HIPK2: variants seen among roughly 807,000 people sequenced by gnomAD.
The protein encoded by HIPK2 is homeodomain interacting protein kinase 2.
Under a neutral mutation model 113.7 loss-of-function variants are expected in HIPK2, and 27 were observed. The ratio of observed to expected loss-of-function variants is 0.24; its 90% CI spans 0.17 to 0.33. The LOEUF (loss-of-function observed/expected upper bound fraction) is 0.33, where lower values mean the gene tolerates loss of function less well. Among genes scored for constraint, HIPK2 ranks in the 10% least tolerant of loss-of-function variants. The probability of loss-of-function intolerance (pLI) is 1.00; values close to 1 mark genes in which losing one functional copy is unlikely to be tolerated. For synonymous variants in HIPK2, 631 were observed against 642.2 expected (o/e 0.98, Z 0.26); for missense variants, 1,257 against 1,588.0 (o/e 0.79, Z 3.54).
rs71170905 is a variant in HIPK2 at position 139,624,480 on chromosome 7, CTT to C, written c.1619+2119_1619+2120del. Among the ~76,000 whole-genome samples, 1,430 of 152,310 alleles carry C rather than the reference CTT, an allele frequency of 9.4e-3. 8 individuals carry two copies. The highest frequency in any genetic ancestry group is 0.015 in the Non-Finnish European group (1,049 of 68,018). ...CGCTTACTTCTCATGTCCAGTGACT[CTT>C]GTTCTCAACCCAGTACAGCCACTCA... On this transcript the variant is annotated intron_variant, in intron 6 of 14. Coordinates refer to ENST00000406875, the MANE Select transcript of HIPK2 (RefSeq NM_022740.5).
intron 2 of HIPK2, among the ~76,000 whole-genome samples, chr7:139,699,463 T>C (rs1488742212): frequency 2.0e-5 from 3 of 152,142 alleles, no homozygotes; most frequent in Non-Finnish European, 4.4e-5. Context: ...AGGACCATGC[T>C]TAGGCCACAT....
chr7:139,750,309 C>A (rs557092882), intron 1 of HIPK2, among the ~76,000 whole-genome samples: 1 of 152,300 alleles, frequency 6.6e-6, no homozygotes, highest in African/African-American at 2.4e-5. Context: ...TAAATAGAGG[C>A]CTTAATTTCC....
At chr7:139,575,313 A>AG (rs1341784974) in intron 13 of HIPK2, 25 bp from the exon 14 acceptor site, 4 of 1,545,152 alleles carry the variant, frequency 2.6e-6, no homozygotes, top group Non-Finnish European at 3.5e-6. Context: ...GAAAGAGGTC[A>AG]GATCAGTGGC....
At chr7:139,725,353 A>C (rs1795542865) in intron 1 of HIPK2, among the ~76,000 whole-genome samples, 1 of 152,252 alleles carries the variant, frequency 6.6e-6, no homozygotes, top group Non-Finnish European at 1.5e-5. Flanking sequence ...CAAATCCTGC[A>C]AACAGAGTGT....
At position 139,638,656 on chromosome 7, in the gene HIPK2, C is replaced by CTTTTTTTTTTTTTTTTTTTTTTTTTTT. The variant is rs1184555180; in HGVS notation, c.1104-6932_1104-6931insAAAAAAAAAAAAAAAAAAAAAAAAAAA. 3.8e-5 allele frequency among the ~76,000 whole-genome samples: 5 copies of CTTTTTTTTTTTTTTTTTTTTTTTTTTT among 130,248 alleles called. 1 individual carries two copies. Among genetic ancestry groups the CTTTTTTTTTTTTTTTTTTTTTTTTTTT allele is most frequent in the African/African-American group, 9.1e-5 (3 of 32,922 alleles). 85.4% of individuals were successfully genotyped at this position (130,248 alleles called of 152,430 possible). On this transcript the variant is annotated intron_variant, in intron 2 of 14. Coordinates refer to ENST00000406875, the MANE Select transcript of HIPK2 (RefSeq NM_022740.5). ...CTGGAGAAAGAGAGTAAATAATTGT[C>CTTTTTTTTTTTTTTTTTTTTTTTTTTT]TTTTTTTTTTTTTTTTTTTGAGACA...
intron 1 of HIPK2, among the ~76,000 whole-genome samples, chr7:139,746,872 C>T (rs7790519): frequency 0.34 from 50,849 of 151,778 alleles, 11,251 homozygotes; most frequent in African/African-American, 0.62. Flanking sequence ...CCTGACATAG[C>T]GTGTCTCTGC....
Position 139,716,588 on chromosome 7 carries a change from C to T in HIPK2, c.447G>A (p.Glu149=), listed in dbSNP as rs754669097. ...CATTATTCTGAATCATGGGTGGATG[C>T]TCCTCGATGATCTGCACGCTGCTTG... ...ENTSSVQIIE[E]HPPMIQNNAS... is the part of the protein sequence containing the mutation. Residue 149 remains glutamate (E), a synonymous_variant, in exon 2 of 15, where the codon GAG becomes GAA. Transcript: ENST00000406875. The surrounding 1 kb of genome is among the most constrained non-coding windows in gnomAD (Gnocchi z 9.3). The T allele has an allele frequency of 5.2e-5, 84 of 1,613,866 alleles. No individual in the cohort carries two copies. In the South Asian group the frequency reaches 7.8e-4, roughly 15 times the overall value.
intron 11 of HIPK2, among the ~76,000 whole-genome samples, chr7:139,599,134 G>A (rs1176805069): frequency 6.6e-6 from 1 of 152,140 alleles, no homozygotes; most frequent in African/African-American, 2.4e-5. Flanking sequence ...TTGACTTATC[G>A]CAAATAAGCA....
intron 2 of HIPK2, among the ~76,000 whole-genome samples, chr7:139,673,807 G>T (rs948541659): frequency 2.7e-5 from 4 of 149,334 alleles, no homozygotes; most frequent in Non-Finnish European, 4.4e-5. Context: ...CAGCACTTTG[G>T]GAGGGTGAGC....
intron 1 of HIPK2, among the ~76,000 whole-genome samples, chr7:139,774,570 T>C (rs576392296): frequency 2.0e-5 from 3 of 152,212 alleles, no homozygotes; most frequent in South Asian, 4.1e-4. Context: ...GCTTGGTAGA[T>C]AGGCATCTTC....
At chr7:139,647,688 A>G (rs1353929301) in intron 2 of HIPK2, among the ~76,000 whole-genome samples, 1 of 152,232 alleles carries the variant, frequency 6.6e-6, no homozygotes, top group African/African-American at 2.4e-5. Flanking sequence ...CCTGAAGAAG[A>G]AGAGAGAATA....
intron 13 of HIPK2, among the ~76,000 whole-genome samples, chr7:139,582,827 G>A (rs1798711660): frequency 2.0e-5 from 3 of 152,030 alleles, no homozygotes. Flanking sequence ...TGAGGCACTG[G>A]GCTGGAAAAG....
chr7:139,690,027 G>A (rs541774559), intron 2 of HIPK2, among the ~76,000 whole-genome samples: 75 of 112,268 alleles, frequency 6.7e-4, no homozygotes, highest in Admixed American at 1.7e-3. Context: ...TCAAGGTGGG[G>A]CCCAATCTAT....
intron 2 of HIPK2, among the ~76,000 whole-genome samples, chr7:139,685,253 C>T (rs1050742567): frequency 3.3e-5 from 5 of 152,204 alleles, no homozygotes; most frequent in African/African-American, 1.2e-4. Flanking sequence ...TCACAACAGC[C>T]TCAACCTCCT....
chr7:139,777,958 G>A lies in HIPK2; in HGVS notation c.-335C>T, dbSNP rs1048526481. Among the ~76,000 whole-genome samples the A allele has an allele frequency of 6.9e-6, 1 of 145,846 alleles. No homozygotes were observed. The highest frequency in any genetic ancestry group is 1.5e-5 in the Non-Finnish European group (1 of 65,494). On this transcript the variant is annotated 5_prime_UTR_variant, in exon 1 of 15. Transcript: ENST00000406875. ...GGATCCGCGGAGGGGCGGGAGCCGG[G>A]GGCAGCGCGCGGCCAGGGCCGGCGG... is the stretch of plus-strand genomic sequence containing the variant.
At chr7:139,729,004 G>A (rs1795678801) in intron 1 of HIPK2, among the ~76,000 whole-genome samples, 1 of 152,106 alleles carries the variant, frequency 6.6e-6, no homozygotes, top group African/African-American at 2.4e-5. Flanking sequence ...AATCTACTGA[G>A]GAGCAACTGT....
chr7:139,650,822 C>T (rs1430863777), intron 2 of HIPK2, among the ~76,000 whole-genome samples: 1 of 152,254 alleles, frequency 6.6e-6, no homozygotes, highest in Non-Finnish European at 1.5e-5. Context: ...CCAGCTCTGG[C>T]TTGCCAGCCA....
At chr7:139,695,284 A>G (rs1178882942) in intron 2 of HIPK2, among the ~76,000 whole-genome samples, 1 of 152,228 alleles carries the variant, frequency 6.6e-6, no homozygotes, top group Non-Finnish European at 1.5e-5. Context: ...CCTCGTCATC[A>G]AAGTGACCAT....
intron 1 of HIPK2, among the ~76,000 whole-genome samples, chr7:139,757,814 GAAC>G (rs1472748751): frequency 6.6e-6 from 1 of 152,082 alleles, no homozygotes. Context: ...AAAAACCACT[GAAC>G]TATACACTTT....
Sources: gnomAD v4.1 joint callset for allele counts (sites outside exome capture counted in the v4.1 genomes callset) on GRCh38, gnomAD v4.1.1 for gene constraint, Gnocchi (gnomAD v3.1) non-coding constraint, MANE v1.5 for transcripts, NCBI Gene and HGNC (gene_info 2026-07-23, HGNC 2026-07-21) for gene names.